Variants in ZSCAN1 observed in about 807,000 individuals in gnomAD.
The protein encoded by ZSCAN1 is zinc finger and SCAN domain-containing protein 1.
Under a neutral mutation model 23.8 loss-of-function variants are expected in ZSCAN1, and 23 were observed. The observed-to-expected ratio is 0.97, with a 90% confidence interval of 0.70 to 1.37. The LOEUF is 1.37. Among genes scored for constraint, ZSCAN1 ranks in the 40% most tolerant of loss-of-function variants. The pLI, the probability that ZSCAN1 is intolerant of heterozygous loss-of-function variation, is 0.00. For missense variants in ZSCAN1, 575 were observed against 554.0 expected (o/e 1.04, Z -0.38); for synonymous variants, 236 against 232.3 (o/e 1.02, Z -0.15).
chr19:58,055,213 C>G (rs186302133), downstream of ZSCAN1, among the ~76,000 whole-genome samples: 330 of 152,346 alleles, frequency 2.2e-3, no homozygotes, highest in Admixed American at 3.9e-3. Flanking sequence ...TGGACTTACC[C>G]ACGTCACATC....
At chr19:58,038,593 G>T (rs1793849333) in intron 3 of ZSCAN1, 3 of 462,022 alleles carry the variant, frequency 6.5e-6, no homozygotes, top group African/African-American at 6.1e-5. Flanking sequence ...CAGGGCGCAG[G>T]CCCCATCGCT....
chr19:58,039,918 AG>A (rs960942153), intron 3 of ZSCAN1, among the ~76,000 whole-genome samples: 57 of 151,134 alleles, frequency 3.8e-4, no homozygotes, highest in African/African-American at 1.1e-3. Flanking sequence ...AAAAATAAAT[AG>A]GGGGGGGTCT....
intron 4 of ZSCAN1, among the ~76,000 whole-genome samples, chr19:58,041,949 T>G (rs1297450693): frequency 6.6e-6 from 1 of 152,146 alleles, no homozygotes; most frequent in Admixed American, 6.5e-5. Context: ...GGCAGGCGGA[T>G]CACAAGTTCA....
chr19:58,046,851 T>TG (rs778788422), intron 4 of ZSCAN1: 13 of 663,994 alleles, frequency 2.0e-5, no homozygotes, highest in Non-Finnish European at 2.7e-6. Context: ...TGATTCTTAG[T>TG]GGCTCATCTA....
Position 58,037,871 on chromosome 19 carries a change from G to A in ZSCAN1, c.35G>A (p.Arg12Lys). 13 of 1,015,302 alleles carry A rather than the reference G, an allele frequency of 1.3e-5. No homozygotes were observed. Among genetic ancestry groups the A allele is most frequent in the East Asian group, 4.2e-5 (1 of 23,672 alleles). 62.9% of individuals were successfully genotyped at this position (1,015,302 alleles called of 1,614,324 possible). A position where few individuals can be genotyped will look rare whatever the true frequency, so the allele number is the denominator to read the frequency against. ...CGGCCCAAAGCCCCTGCCTCCCCCA[G>A]ACGCCCCCAGACCCCAACCCCGAGT... ...LPRPKAPASPRRPQTPTPSEQ... is the reference protein window; with the variant it reads ...LPRPKAPASPKRPQTPTPSEQ... Residue 12 changes from arginine to lysine, a missense_variant, in exon 3 of 6, where the codon AGA (arginine) becomes AAA (lysine). Coordinates refer to ENST00000282326, the MANE Select transcript of ZSCAN1 (RefSeq NM_182572.4).
At position 58,040,165 on chromosome 19, in the gene ZSCAN1, A is replaced by AG. The variant is rs1254513595; in HGVS notation, c.371-284dup. 6.6e-6 allele frequency among the ~76,000 whole-genome samples: 1 copy of AG among 152,140 alleles called. No homozygotes were observed. Among genetic ancestry groups the AG allele is most frequent in the African/African-American group, 2.4e-5 (1 of 41,420 alleles). ...GGGCTCACAGTGCTCGGGCCTCCCT[A>AG]GTTAGTCAGTGCTGCAGTGTGTGTC... On this transcript the variant is annotated intron_variant, in intron 3 of 5. Coordinates refer to ENST00000282326, the MANE Select transcript of ZSCAN1 (RefSeq NM_182572.4). This position sits in a 1 kb window ranked among gnomAD's most constrained non-coding sequence, Gnocchi z 5.8.
At position 58,045,098 on chromosome 19, in the gene ZSCAN1, A is replaced by G; in HGVS notation, c.465+4554A>G. ...ACTACTACCATGGCTTCCGCCTGCT[A>G]CGGATCCACACCAAGATCGCAGCAC... is the stretch of plus-strand genomic sequence containing the variant. On this transcript the variant is annotated intron_variant, in intron 4 of 5. Coordinates refer to ENST00000282326, the MANE Select transcript of ZSCAN1 (RefSeq NM_182572.4). This position sits in a 1 kb window ranked among gnomAD's most constrained non-coding sequence, Gnocchi z 4.3. 1.6e-6 allele frequency: 2 copies of G among 1,235,100 alleles called. No homozygotes were observed. Among genetic ancestry groups the G allele is most frequent in the Non-Finnish European group, 2.4e-6 (2 of 838,356 alleles). 76.5% of individuals were successfully genotyped at this position (1,235,100 alleles called of 1,614,324 possible).
At chr19:58,039,820 C>G (rs2073772926) in intron 3 of ZSCAN1, among the ~76,000 whole-genome samples, 2 of 151,852 alleles carry the variant, frequency 1.3e-5, no homozygotes, top group African/African-American at 4.8e-5. Context: ...CAGCTGAACC[C>G]CCATGCACGT....
chr19:58,055,339 C>A (rs1209484460), downstream of ZSCAN1, among the ~76,000 whole-genome samples: 1 of 152,168 alleles, frequency 6.6e-6, no homozygotes, highest in Non-Finnish European at 1.5e-5. Context: ...ATCCTCGCTG[C>A]CGCGCTTGCC....
rs747742044 is a variant in ZSCAN1 at position 58,052,606 on chromosome 19, G to A, written c.582G>A (p.Ala194=). The change falls in exon 5 of 6, where the codon GCG becomes GCA. Residue 194 remains alanine (A), a synonymous_variant. Transcript: ENST00000282326. ...TGCACACCAGGGCGGAGGCCGAAGC[G>A]CCCCGCGCCCCTGGCTTGCTGGGTG... is the stretch of plus-strand genomic sequence containing the variant. ...QSLHTRAEAE[A]PRAPGLLGSR... 5.0e-6 allele frequency: 8 copies of A among 1,606,480 alleles called. No individual in the cohort carries two copies. Among genetic ancestry groups the A allele is most frequent in the South Asian group, 2.2e-5 (2 of 90,320 alleles).
rs2073870754 is a variant in ZSCAN1, at chr19:58,053,372, G to A, written c.605-57G>A. 3 of 1,557,230 alleles carry A rather than the reference G, an allele frequency of 1.9e-6. No individual in the cohort carries two copies. The highest frequency in any genetic ancestry group is 2.7e-5 in the African/African-American group (2 of 73,696). On this transcript the variant is annotated intron_variant, in intron 5 of 5. Transcript: ENST00000282326. This position sits in a 1 kb window ranked among gnomAD's most constrained non-coding sequence, Gnocchi z 5.8. ...TCCTCCGTGCCCCTGGGGAGCACAG[G>A]GAGATGCCAAGGCCATCCACTCACT...
chr19:58,045,040 C>A lies in ZSCAN1; in HGVS notation c.465+4496C>A, dbSNP rs886646366. 3 of 1,114,568 alleles carry A rather than the reference C, an allele frequency of 2.7e-6. No individual in the cohort carries two copies. The highest frequency in any genetic ancestry group is 2.5e-5 in the South Asian group (2 of 79,524). 69.0% of individuals were successfully genotyped at this position (1,114,568 alleles called of 1,614,324 possible). On this transcript the variant is annotated intron_variant, in intron 4 of 5. Coordinates refer to ENST00000282326, the MANE Select transcript of ZSCAN1 (RefSeq NM_182572.4). This position sits in a 1 kb window ranked among gnomAD's most constrained non-coding sequence, Gnocchi z 4.3. ...CCCCGCAGAGATGGTGGTGAAGTCC[C>A]GGGGGCAGAGAGGGTGCTGGGCGAG...
downstream of ZSCAN1, among the ~76,000 whole-genome samples, chr19:58,055,298 G>A (rs1434685720): frequency 6.6e-6 from 1 of 151,988 alleles, no homozygotes; most frequent in Non-Finnish European, 1.5e-5. Flanking sequence ...GGGCTGTGCA[G>A]GTCCCACGGA....
In ZSCAN1 at chr19:58,052,589, A is replaced by G. The variant is rs1411506544; in HGVS notation, c.565A>G (p.Arg189Gly). The G allele has an allele frequency of 1.2e-6, 2 of 1,613,032 alleles. No individual in the cohort carries two copies. The highest frequency in any genetic ancestry group is 1.7e-6 in the Non-Finnish European group (2 of 1,179,568). Residue 189 changes from arginine to glycine, a missense_variant, in exon 5 of 6, where the codon AGG becomes GGG. Coordinates refer to ENST00000282326, the MANE Select transcript of ZSCAN1 (RefSeq NM_182572.4). ...TTQLQQSLHT[R>G]AEAEAPRAPG... ...CCAGCTCCAGCAGAGTCTGCACACC[A>G]GGGCGGAGGCCGAAGCGCCCCGCGC...
At chr19:58,039,535 C>T (rs1286373052) in intron 3 of ZSCAN1, among the ~76,000 whole-genome samples, 1 of 152,106 alleles carries the variant, frequency 6.6e-6, no homozygotes, top group African/African-American at 2.4e-5. Context: ...TTTGGGAGGC[C>T]AAGGCAGGCG....
rs2073877800 is a variant in ZSCAN1 at position 58,054,119 on chromosome 19, T to C, written c.*68T>C. The C allele has an allele frequency of 7.0e-7, 1 of 1,432,916 alleles. No homozygotes were observed. Among genetic ancestry groups the C allele is most frequent in the African/African-American group, 1.4e-5 (1 of 69,648 alleles). The allele number at this position is 1,432,916 out of a possible 1,614,324, so 88.8% of individuals were successfully genotyped here. On this transcript the variant is annotated 3_prime_UTR_variant, in exon 6 of 6. Coordinates refer to ENST00000282326, the MANE Select transcript of ZSCAN1 (RefSeq NM_182572.4). The surrounding 1 kb of genome is among the most constrained non-coding windows in gnomAD (Gnocchi z 4.2). ...GGGGGAGCTGATGGGCCCCAGAAGA[T>C]GGGGGACATCCCCCAGCCCCACCAA...
Position 58,037,747 on chromosome 19 carries a change from G to A in ZSCAN1, c.-90G>A. The A allele has an allele frequency of 7.1e-7, 1 of 1,415,622 alleles. No homozygotes were observed. The highest frequency in any genetic ancestry group is 9.2e-7 in the Non-Finnish European group (1 of 1,084,192). 87.7% of individuals were successfully genotyped at this position (1,415,622 alleles called of 1,614,324 possible). ...CTGCAGGCCCCTGATTGCTGATTCTGTCCGCCTGCCACACCGGCTCTGTCC... is the reference window on the plus strand; with the variant it reads ...CTGCAGGCCCCTGATTGCTGATTCTATCCGCCTGCCACACCGGCTCTGTCC... On this transcript the variant is annotated 5_prime_UTR_variant, in exon 3 of 6. Coordinates refer to ENST00000282326, the MANE Select transcript of ZSCAN1 (RefSeq NM_182572.4).
rs1372085486 is a variant in ZSCAN1 at position 58,053,442 on chromosome 19, C to A, written c.618C>A (p.Arg206=). ...CGCCCTCCACAGGGTCCCGGGCCCG[C>A]TTGCCTCTGAAGCCGAGTATCTGGG... ...RAPGLLGSRA[R]LPLKPSIWDE... Residue 206 remains arginine (R), a synonymous_variant, in exon 6 of 6, where the codon CGC becomes CGA. Coordinates refer to ENST00000282326, the MANE Select transcript of ZSCAN1 (RefSeq NM_182572.4). This position sits in a 1 kb window ranked among gnomAD's most constrained non-coding sequence, Gnocchi z 5.8. The A allele has an allele frequency of 6.2e-7, 1 of 1,610,484 alleles. No individual in the cohort carries two copies. The highest frequency in any genetic ancestry group is 1.7e-5 in the Admixed American group (1 of 59,950).
chr19:58,043,665 TCTTA>T (rs1404254250), intron 4 of ZSCAN1, among the ~76,000 whole-genome samples: 4 of 152,000 alleles, frequency 2.6e-5, no homozygotes, highest in African/African-American at 9.7e-5. Context: ...TTTTTTTCTT[TCTTA>T]GACTGACTCT....
Sources: gnomAD v4.1 joint callset for allele counts (sites outside exome capture counted in the v4.1 genomes callset) on GRCh38, gnomAD v4.1.1 for gene constraint, Gnocchi (gnomAD v3.1) non-coding constraint, MANE v1.5 for transcripts, NCBI Gene and HGNC (gene_info 2026-07-23, HGNC 2026-07-21) for gene names.